Variants in NT5C3A observed in about 807,000 individuals in gnomAD.
The protein encoded by NT5C3A is cytosolic 5'-nucleotidase 3A.
A neutral mutation model predicts 40.0 loss-of-function variants in NT5C3A; 23 were observed. That is an observed-to-expected ratio of 0.58 (90% CI 0.41 to 0.81). The LOEUF (loss-of-function observed/expected upper bound fraction) is 0.81, where lower values mean the gene tolerates loss of function less well. Ranked by LOEUF, NT5C3A falls within the 40% of genes least tolerant of loss-of-function variation. The probability of loss-of-function intolerance (pLI) is 0.00; values close to 1 mark genes in which losing one functional copy is unlikely to be tolerated. For synonymous variants in NT5C3A, 130 were observed against 141.4 expected, an observed-to-expected ratio of 0.92 and a Z score of 0.57; for missense variants, 328 against 403.0, an observed-to-expected ratio of 0.81 and a Z score of 1.59.
chr7:33,054,088 G>C (rs1787477226), intron 1 of NT5C3A, among the ~76,000 whole-genome samples: 1 of 151,940 alleles, frequency 6.6e-6, no homozygotes. Flanking sequence ...GGGCATGGTG[G>C]CACATGTCTG....
chr7:33,033,375 G>A (rs778751533), intron 1 of NT5C3A, among the ~76,000 whole-genome samples: 2 of 152,124 alleles, frequency 1.3e-5, no homozygotes, highest in Non-Finnish European at 2.9e-5. Context: ...TAGTAATAGC[G>A]ATTTCCCTTG....
chr7:33,062,205 A>G (rs1475000336), intron 1 of NT5C3A, among the ~76,000 whole-genome samples: 1 of 152,126 alleles, frequency 6.6e-6, no homozygotes, highest in African/African-American at 2.4e-5. Context: ...GGAGAGAAGG[A>G]GCCACCTGCC....
intron 1 of NT5C3A, among the ~76,000 whole-genome samples, chr7:33,059,256 A>T (rs1428107794): frequency 6.6e-6 from 1 of 152,228 alleles, no homozygotes; most frequent in Non-Finnish European, 1.5e-5. Context: ...AATAACAATA[A>T]GTAATGTATA....
chr7:33,022,039 T>C lies in NT5C3A; in HGVS notation c.354+14A>G. The C allele has an allele frequency of 7.0e-7, 1 of 1,435,346 alleles. No homozygotes were observed. 88.9% of individuals were successfully genotyped at this position (1,435,346 alleles called of 1,614,324 possible). ...GAAGTCTTTGAGTGACTATAGATTG[T>C]TGTTAGTGTTTACCTTTTTTCTACA... On this transcript the variant is annotated intron_variant, in intron 4 of 8. Transcript: ENST00000610140.
intron 1 of NT5C3A, among the ~76,000 whole-genome samples, chr7:33,032,894 C>G (rs1201186213): frequency 6.6e-6 from 1 of 152,126 alleles, no homozygotes; most frequent in South Asian, 2.1e-4. Context: ...GCTGGGACTA[C>G]AGCCATCTGC....
intron 1 of NT5C3A, among the ~76,000 whole-genome samples, chr7:33,061,571 T>C (rs1023110944): frequency 6.6e-6 from 1 of 152,118 alleles, no homozygotes; most frequent in Non-Finnish European, 1.5e-5. Context: ...CAACCTGGGG[T>C]CAGTACAACC....
At chr7:33,050,988 A>G (rs988387460) in intron 1 of NT5C3A, among the ~76,000 whole-genome samples, 6 of 152,028 alleles carry the variant, frequency 3.9e-5, no homozygotes, top group African/African-American at 1.4e-4. Flanking sequence ...AAAAAAACCT[A>G]TCAGGTATGG....
At chr7:33,026,554 C>A (rs540306031) in intron 2 of NT5C3A, among the ~76,000 whole-genome samples, 1 of 151,946 alleles carries the variant, frequency 6.6e-6, no homozygotes, top group Admixed American at 6.6e-5. Flanking sequence ...CAGAGTTTCA[C>A]CATGTTGGCC....
At chr7:33,030,898 G>A (rs915506005) in intron 1 of NT5C3A, among the ~76,000 whole-genome samples, 2 of 151,868 alleles carry the variant, frequency 1.3e-5, no homozygotes, top group Non-Finnish European at 2.9e-5. Context: ...AGGAGATCGA[G>A]ACCATCCTGG....
At chr7:33,052,058 TTTTTGTTTTG>T (rs140910294) in intron 1 of NT5C3A, among the ~76,000 whole-genome samples, 56 of 152,186 alleles carry the variant, frequency 3.7e-4, no homozygotes, top group South Asian at 6.2e-4. Flanking sequence ...GCTTCTAAAG[TTTTTGTTTTG>T]TTTTGTTTTG....
At chr7:33,014,862 C>T (rs1583885063) in intron 8 of NT5C3A, 31 bp from the exon 9 acceptor site, 1 of 1,565,786 alleles carries the variant, frequency 6.4e-7, no homozygotes, top group Non-Finnish European at 8.8e-7. Context: ...AGAAAATTAA[C>T]ATGCAGGGCA....
At chr7:33,026,347 T>C (rs867942184) in intron 2 of NT5C3A, among the ~76,000 whole-genome samples, 26 of 12,518 alleles carry the variant, frequency 2.1e-3, no homozygotes, top group African/African-American at 0.014. Context: ...AGACTCCATC[T>C]CAAAAGAAAA....
rs1311019231 is a variant in NT5C3A, at chr7:33,044,642, C to A, written c.139-17727G>T. 2.0e-5 allele frequency among the ~76,000 whole-genome samples: 3 copies of A among 152,168 alleles called. No individual in the cohort carries two copies. In the East Asian group the frequency reaches 5.8e-4, roughly 29 times the overall value. ...TCACAAATGGAAGATTTTTTTTCCT[C>A]CCCTTTTAACGCTGAAACTGGATGT... On this transcript the variant is annotated intron_variant, in intron 1 of 8. Coordinates refer to ENST00000610140, the MANE Select transcript of NT5C3A (RefSeq NM_001002010.5).
At chr7:33,041,953 T>C (rs760927039) in intron 1 of NT5C3A, among the ~76,000 whole-genome samples, 1 of 152,196 alleles carries the variant, frequency 6.6e-6, no homozygotes, top group Non-Finnish European at 1.5e-5. Flanking sequence ...TCTAGTCTAG[T>C]AATATTTCAG....
intron 7 of NT5C3A, among the ~76,000 whole-genome samples, chr7:33,016,639 T>G (rs1176580625): frequency 7.5e-6 from 1 of 132,628 alleles, no homozygotes; most frequent in Non-Finnish European, 1.5e-5. Flanking sequence ...CACTGAACTC[T>G]AGCCTGGGCT....
At chr7:33,058,682 A>G (rs1787664230) in intron 1 of NT5C3A, among the ~76,000 whole-genome samples, 1 of 152,134 alleles carries the variant, frequency 6.6e-6, no homozygotes, top group South Asian at 2.1e-4. Flanking sequence ...AAAGACAGAG[A>G]TGTTCCGTAT....
chr7:33,039,562 G>GTTTTTT (rs770430109), intron 1 of NT5C3A, among the ~76,000 whole-genome samples: 9 of 120,512 alleles, frequency 7.5e-5, no homozygotes, highest in African/African-American at 1.3e-4. Flanking sequence ...TGGGTTTTTT[G>GTTTTTT]TTTTTTTTTT....
At chr7:33,031,361 G>C (rs1786245258) in intron 1 of NT5C3A, among the ~76,000 whole-genome samples, 1 of 151,790 alleles carries the variant, frequency 6.6e-6, no homozygotes, top group African/African-American at 2.4e-5. Context: ...GCCGAGGCAG[G>C]AGGATCACTT....
chr7:33,056,473 CAAAAAAAAAAAAAAAAAAAAAAAAAAAA>C (rs70989927), intron 1 of NT5C3A, among the ~76,000 whole-genome samples: 122 of 43,690 alleles, frequency 2.8e-3, no homozygotes, highest in Non-Finnish European at 3.9e-3. Flanking sequence ...CCGTCTCTAC[CAAAAAAAAAAAAAAAAAAAAAAAAAAAA>C]AAAAAAAAAA....
Sources: allele counts gnomAD v4.1 joint callset (sites outside exome capture counted in the v4.1 genomes callset), GRCh38; gene constraint gnomAD v4.1.1; transcripts MANE v1.5; gene names NCBI Gene and HGNC (gene_info 2026-07-23, HGNC 2026-07-21).